Variants in PMF1 observed in about 807,000 individuals in gnomAD.
PMF1 encodes polyamine-modulated factor 1.
A neutral mutation model predicts 26.7 loss-of-function variants in PMF1; 21 were observed. That is an observed-to-expected ratio of 0.79 (90% CI 0.56 to 1.13). The LOEUF is 1.13. Ranked by LOEUF, PMF1 falls within the 50% of genes most tolerant of loss-of-function variation. PMF1 has a pLI of 0.00. For synonymous variants in PMF1, 105 were observed against 101.0 expected, an observed-to-expected ratio of 1.04 and a Z score of -0.24; for missense variants, 266 against 254.9, an observed-to-expected ratio of 1.04 and a Z score of -0.30.
chr1:156,231,114 G>A (rs1658673772), intron 1 of PMF1, among the ~76,000 whole-genome samples: 2 of 151,596 alleles, frequency 1.3e-5, no homozygotes, highest in South Asian at 4.2e-4. Context: ...CTACTCAGGA[G>A]GCTGAGGCAG....
At chr1:156,222,355 C>T (rs1026748818) in intron 1 of PMF1, among the ~76,000 whole-genome samples, 1 of 151,942 alleles carries the variant, frequency 6.6e-6, no homozygotes, top group African/African-American at 2.4e-5. Context: ...AGAGAAAGGG[C>T]TCAATAAGTG....
At chr1:156,218,774 T>TC (rs1370344124) in intron 1 of PMF1, among the ~76,000 whole-genome samples, 1 of 151,730 alleles carries the variant, frequency 6.6e-6, no homozygotes, top group Non-Finnish European at 1.5e-5. Flanking sequence ...AGAGCGAGAC[T>TC]CCGTCTCAAA....
At chr1:156,228,104 T>C (rs2103106360) in intron 1 of PMF1, among the ~76,000 whole-genome samples, 1 of 151,740 alleles carries the variant, frequency 6.6e-6, no homozygotes, top group East Asian at 1.9e-4. Flanking sequence ...CCAGCTAATT[T>C]TTGTATTTTT....
chr1:156,227,934 ATTTTT>A (rs35566648), intron 1 of PMF1, among the ~76,000 whole-genome samples: 1 of 119,880 alleles, frequency 8.3e-6, no homozygotes. Context: ...CCTGACTATG[ATTTTT>A]TTTTTTTTTT....
chr1:156,230,460 C>T (rs1427992914), intron 1 of PMF1, among the ~76,000 whole-genome samples: 1 of 152,206 alleles, frequency 6.6e-6, no homozygotes, highest in East Asian at 1.9e-4. Context: ...ACTGGAAGCT[C>T]TGGGAGGGCC....
In PMF1 at chr1:156,233,667, G is replaced by A; in HGVS notation, c.307G>A (p.Ala103Thr). The A allele has an allele frequency of 6.2e-7, 1 of 1,614,014 alleles. No individual in the cohort carries two copies. The highest frequency in any genetic ancestry group is 1.3e-5 in the African/African-American group (1 of 75,038). ...SDIKEEGNLE[A>T]VLNALDKIVE... is the part of the protein sequence containing the mutation. ...CATCAAAGAGGAGGGGAACCTAGAA[G>A]CTGTCTTGAATGCCTTGGATAAAAT... The change falls in exon 3 of 5, where the codon GCT becomes ACT. Residue 103 changes from alanine to threonine, a missense_variant. Ala to Thr is a moderately conservative substitution (Grantham distance 58). Coordinates refer to ENST00000368277, the MANE Select transcript of PMF1 (RefSeq NM_007221.4).
chr1:156,215,366 A>G (rs569930702), intron 1 of PMF1, among the ~76,000 whole-genome samples: 4 of 152,312 alleles, frequency 2.6e-5, no homozygotes, highest in African/African-American at 7.2e-5. Flanking sequence ...CTAGTTTGCC[A>G]TAATAATGAA....
At chr1:156,237,065 A>G (rs1419420832) in intron 4 of PMF1, 1 of 153,272 alleles carries the variant, frequency 6.5e-6, no homozygotes, top group East Asian at 1.9e-4. Context: ...GGAGCAATTC[A>G]AGACCTCTCT....
At chr1:156,222,946 C>T (rs924118224) in intron 1 of PMF1, among the ~76,000 whole-genome samples, 6 of 152,138 alleles carry the variant, frequency 3.9e-5, no homozygotes, top group Non-Finnish European at 5.9e-5. Context: ...GAAAAGAAAG[C>T]GAATTGCATT....
chr1:156,225,308 T>TTTA (rs1553279855), intron 1 of PMF1, among the ~76,000 whole-genome samples: 2 of 133,910 alleles, frequency 1.5e-5, no homozygotes, highest in Admixed American at 7.6e-5. Flanking sequence ...TTTTTTTTTT[T>TTTA]AATTTCAGTA....
chr1:156,226,095 TC>T (rs373564441), intron 1 of PMF1, among the ~76,000 whole-genome samples: 247 of 152,232 alleles, frequency 1.6e-3, no homozygotes, highest in Admixed American at 6.0e-3. Flanking sequence ...CCTCAAGTGA[TC>T]CCCCCACTTC....
In PMF1 at chr1:156,236,331, G is replaced by T; in HGVS notation, c.412G>T (p.Ala138Ser). 6.2e-7 allele frequency: 1 copy of T among 1,614,186 alleles called. No homozygotes were observed. Among genetic ancestry groups the T allele is most frequent in the Non-Finnish European group, 8.5e-7 (1 of 1,180,020 alleles). ...IPEKDLHSVM[A>S]PYFLQQRDTL... is the part of the protein sequence containing the mutation. Reference sequence around the variant, plus strand: ...AGAGAAGGATCTGCACAGTGTTATGGCACCCTACTTCCTGCAGCAACGGGA... The same window carrying T: ...AGAGAAGGATCTGCACAGTGTTATGTCACCCTACTTCCTGCAGCAACGGGA... The change falls in exon 4 of 5, where the codon GCA (alanine) becomes TCA (serine). Residue 138 changes from alanine (A) to serine (S), a missense_variant. Physicochemically the swap from Ala to Ser is moderately conservative, Grantham distance 99. Transcript: ENST00000368277.
intron 1 of PMF1, 149 bp downstream of exon 1, chr1:156,213,325 C>A: frequency 1.6e-6 from 2 of 1,219,152 alleles, no homozygotes; most frequent in Non-Finnish European, 2.2e-6. Flanking sequence ...AAATCCTGAG[C>A]CTTAGGAGTC....
At position 156,239,575 on chromosome 1, in the gene PMF1, G is replaced by A; in HGVS notation, c.592G>A (p.Val198Ile). ...TCTACACAGAGAACAGAGGGAGCTGGTTGCTGTGCTGAGGGAGCCTGAGTG... is the reference window on the plus strand; with the variant it reads ...TCTACACAGAGAACAGAGGGAGCTGATTGCTGTGCTGAGGGAGCCTGAGTG... ...QALHREQREL[V>I]AVLREPE The change falls in exon 5 of 5, where the codon GTT becomes ATT. Residue 198 changes from valine to isoleucine, a missense_variant. By Grantham distance (29) the Val-to-Ile change is conservative. Transcript: ENST00000368277. 1.9e-6 allele frequency: 3 copies of A among 1,613,120 alleles called. No homozygotes were observed. The highest frequency in any genetic ancestry group is 2.2e-5 in the South Asian group (2 of 90,962).
Position 156,232,371 on chromosome 1 carries a change from G to A in PMF1, c.213G>A (p.Ala71=), listed in dbSNP as rs1193851677. The A allele has an allele frequency of 3.7e-6, 6 of 1,613,940 alleles. No individual in the cohort carries two copies. The highest frequency in any genetic ancestry group is 3.3e-5 in the Admixed American group (2 of 59,982). Residue 71 remains alanine, a synonymous_variant, in exon 2 of 5, where the codon GCG becomes GCA. Transcript: ENST00000368277. The part of the protein sequence containing the change: ...CYKCFYQLQP[A]MTQQIYDKFI... ...AGTGCTTCTACCAGTTGCAGCCTGCGATGACACAGCAAATCTATGACAAGT... is the reference window on the plus strand; with the variant it reads ...AGTGCTTCTACCAGTTGCAGCCTGCAATGACACAGCAAATCTATGACAAGT...
chr1:156,239,664 T>C lies in PMF1; in HGVS notation c.*63T>C. The C allele has an allele frequency of 7.1e-7, 1 of 1,408,060 alleles. No individual in the cohort carries two copies. Among genetic ancestry groups the C allele is most frequent in the Non-Finnish European group, 1.0e-6 (1 of 996,430 alleles). The allele number at this position is 1,408,060 out of a possible 1,614,324, so 87.2% of individuals were successfully genotyped here. On this transcript the variant is annotated 3_prime_UTR_variant, in exon 5 of 5. Coordinates refer to ENST00000368277, the MANE Select transcript of PMF1 (RefSeq NM_007221.4). ...TCAAGAGCCTGTGGTCCAGCATGCCTGGCCTGGGCGGGCTACCTCTGAGAA... is the reference window on the plus strand; with the variant it reads ...TCAAGAGCCTGTGGTCCAGCATGCCCGGCCTGGGCGGGCTACCTCTGAGAA...
intron 1 of PMF1, among the ~76,000 whole-genome samples, chr1:156,226,027 G>T (rs1658354058): frequency 6.6e-6 from 1 of 151,968 alleles, no homozygotes; most frequent in Non-Finnish European, 1.5e-5. Flanking sequence ...GTTAATTTTT[G>T]TATTTTTAGT....
chr1:156,233,800 G>C (rs1296533524), intron 3 of PMF1, 72 bp downstream of exon 3: 2 of 1,374,434 alleles, frequency 1.5e-6, no homozygotes, highest in Non-Finnish European at 2.0e-6. Flanking sequence ...TTTTTTTCTA[G>C]AGTCAGGGTC....
At chr1:156,228,667 C>T (rs924624223) in intron 1 of PMF1, among the ~76,000 whole-genome samples, 22 of 152,122 alleles carry the variant, frequency 1.4e-4, no homozygotes, top group Admixed American at 9.8e-4. Context: ...TCAGACCCTC[C>T]GCCTGCTGAG....
Sources: allele counts gnomAD v4.1 joint callset (sites outside exome capture counted in the v4.1 genomes callset), GRCh38; gene constraint gnomAD v4.1.1; transcripts MANE v1.5; gene names NCBI Gene and HGNC (gene_info 2026-07-23, HGNC 2026-07-21).